Variants in ABLIM3 observed in about 807,000 individuals in gnomAD.
The protein encoded by ABLIM3 is actin-binding LIM protein 3.
In ABLIM3, 61 loss-of-function variants were observed where a neutral mutation model predicts 109.5. The ratio of observed to expected loss-of-function variants is 0.56; its 90% CI spans 0.45 to 0.69. The LOEUF (loss-of-function observed/expected upper bound fraction) is 0.69, where lower values mean the gene tolerates loss of function less well. Ranked by LOEUF, ABLIM3 falls within the 30% of genes least tolerant of loss-of-function variation. ABLIM3 has a pLI of 0.00. For synonymous variants in ABLIM3, 300 were observed against 324.8 expected, an observed-to-expected ratio of 0.92 and a Z score of 0.82; for missense variants, 796 against 889.5, an observed-to-expected ratio of 0.89 and a Z score of 1.34.
intron 8 of ABLIM3, among the ~76,000 whole-genome samples, chr5:149,225,982 G>GTGTATATATATATATATA: frequency 2.2e-5 from 1 of 45,522 alleles, no homozygotes; most frequent in East Asian, 9.0e-4. Context: ...GTGTGTGTGT[G>GTGTATATATATATATATA]TATATATATA....
chr5:149,197,843 T>C (rs530954809), intron 3 of ABLIM3, among the ~76,000 whole-genome samples: 1 of 152,352 alleles, frequency 6.6e-6, no homozygotes, highest in South Asian at 2.1e-4. Context: ...TGCTTCTTAG[T>C]GTGCATCAGA....
At chr5:149,194,297 A>T (rs1386284706) in intron 3 of ABLIM3, among the ~76,000 whole-genome samples, 4 of 152,262 alleles carry the variant, frequency 2.6e-5, no homozygotes, top group Non-Finnish European at 5.9e-5. Flanking sequence ...TTGATTAACC[A>T]TTAGGGAAAT....
intron 23 of ABLIM3, among the ~76,000 whole-genome samples, chr5:149,255,475 A>G (rs1386972917): frequency 6.6e-6 from 1 of 152,232 alleles, no homozygotes; most frequent in Non-Finnish European, 1.5e-5. Context: ...TTAGAAGGTA[A>G]TAAGTGCTAA....
At chr5:149,244,700 G>A in intron 15 of ABLIM3, 181 bp from the exon 16 acceptor site, 1 of 699,058 alleles carries the variant, frequency 1.4e-6, no homozygotes, top group East Asian at 2.6e-5. Flanking sequence ...AATGCAAAAT[G>A]AGGGTTTGGC....
intron 3 of ABLIM3, among the ~76,000 whole-genome samples, chr5:149,187,784 A>G (rs1183449416): frequency 6.6e-6 from 1 of 152,074 alleles, no homozygotes; most frequent in Non-Finnish European, 1.5e-5. Flanking sequence ...ATTACCTGCT[A>G]CCTGCTCTGC....
intron 6 of ABLIM3, among the ~76,000 whole-genome samples, chr5:149,208,932 AAAG>A (rs1561589008): frequency 6.6e-6 from 1 of 152,234 alleles, no homozygotes; most frequent in African/African-American, 2.4e-5. Context: ...TCAAAAATGC[AAAG>A]AAGAAGAGCT....
chr5:149,189,532 C>T (rs77201813), intron 3 of ABLIM3, among the ~76,000 whole-genome samples: 2,959 of 152,170 alleles, frequency 0.019, 290 homozygotes, highest in Admixed American at 0.16. Flanking sequence ...AACCTAATTT[C>T]AAAATGGGCA....
At chr5:149,210,074 A>G (rs1009743585) in intron 6 of ABLIM3, among the ~76,000 whole-genome samples, 1 of 152,230 alleles carries the variant, frequency 6.6e-6, no homozygotes, top group Non-Finnish European at 1.5e-5. Context: ...TCTCTACCTC[A>G]GTCCTAGAGA....
At chr5:149,222,599 G>T (rs1259139373) in intron 8 of ABLIM3, among the ~76,000 whole-genome samples, 2 of 147,924 alleles carry the variant, frequency 1.4e-5, no homozygotes, top group African/African-American at 2.5e-5. Flanking sequence ...TCAAAAGCTT[G>T]TTTTGATAAT....
rs551609780 is a variant in ABLIM3, at chr5:149,254,643, G to A, written c.1938+1806G>A. ...TGAGTTCTTCCAGCTCTAGCATGCT[G>A]GGTTAGCACCCCAGGAAGTGGGTGA... On this transcript the variant is annotated intron_variant, in intron 23 of 23. Transcript: ENST00000309868. 3.9e-5 allele frequency among the ~76,000 whole-genome samples: 6 copies of A among 152,254 alleles called. No individual in the cohort carries two copies. In the East Asian group the frequency reaches 1.2e-3, roughly 29 times the overall value.
In ABLIM3 at chr5:149,200,353, G is replaced by A. The variant is rs373339694; in HGVS notation, c.373G>A (p.Gly125Ser). Residue 125 changes from glycine to serine, a missense_variant, in exon 5 of 24, where the codon GGT (glycine) becomes AGT (serine). Physicochemically the swap from Gly to Ser is moderately conservative, Grantham distance 56 (BLOSUM62 0). Coordinates refer to ENST00000309868, the MANE Select transcript of ABLIM3 (RefSeq NM_014945.5). ...CATTGGAGACAAGGTGACCTTCAGC[G>A]GTAAAGAATGTGTGTGCCAAACGTG... ...FPIGDKVTFS[G>S]KECVCQTCSQ... 2.0e-5 allele frequency: 33 copies of A among 1,614,204 alleles called. No individual in the cohort carries two copies. Among genetic ancestry groups the A allele is most frequent in the Non-Finnish European group, 2.5e-5 (29 of 1,180,028 alleles).
chr5:149,170,660 A>G (rs1755329743), intron 2 of ABLIM3, among the ~76,000 whole-genome samples: 1 of 152,200 alleles, frequency 6.6e-6, no homozygotes, highest in Admixed American at 6.5e-5. Flanking sequence ...GCCAAACCAT[A>G]ATTGAGAACT....
At chr5:149,223,776 G>C (rs1742818396) in intron 8 of ABLIM3, among the ~76,000 whole-genome samples, 1 of 152,156 alleles carries the variant, frequency 6.6e-6, no homozygotes, top group Admixed American at 6.5e-5. Flanking sequence ...AGGCCAGGGT[G>C]GGGAGACAGA....
At chr5:149,247,056 C>T (rs1398185518) in intron 17 of ABLIM3, among the ~76,000 whole-genome samples, 1 of 152,220 alleles carries the variant, frequency 6.6e-6, no homozygotes, top group African/African-American at 2.4e-5. Context: ...ATCCAAATGT[C>T]CATCAGCTCA....
chr5:149,246,765 C>A (rs142830085), intron 17 of ABLIM3, among the ~76,000 whole-genome samples: 10 of 152,358 alleles, frequency 6.6e-5, no homozygotes, highest in African/African-American at 2.2e-4. Context: ...CTCTTCACTT[C>A]TGGGGCTTGC....
chr5:149,248,384 A>C (rs1029312323), intron 18 of ABLIM3, among the ~76,000 whole-genome samples: 6 of 152,176 alleles, frequency 3.9e-5, no homozygotes, highest in African/African-American at 1.4e-4. Context: ...ACTTCCAGTC[A>C]GATTCAGTAT....
rs1418887619 is a variant in ABLIM3, at chr5:149,258,520, G to A, written c.*116G>A. ...GGACACACTGCCTGCCATGAGACTT[G>A]CTTTTCTGTACTGTCAGGCAAGCCC... On this transcript the variant is annotated 3_prime_UTR_variant, in exon 24 of 24. Coordinates refer to ENST00000309868, the MANE Select transcript of ABLIM3 (RefSeq NM_014945.5). 5.7e-6 allele frequency: 8 copies of A among 1,414,296 alleles called. No homozygotes were observed. The African/African-American group carries it at 1.2e-4, about 21-fold the overall frequency. 87.6% of individuals were successfully genotyped at this position (1,414,296 alleles called of 1,614,324 possible).
rs576666897 is a variant in ABLIM3, at chr5:149,258,719, A to G, written c.*315A>G. On this transcript the variant is annotated 3_prime_UTR_variant, in exon 24 of 24. Transcript: ENST00000309868. ...TCTCTTTCCTAAAGAAGGTGCCTGA[A>G]GAAGTCTCTCTTCTCTCTGCTTCGT... is the stretch of plus-strand genomic sequence containing the variant. 9 of 1,032,982 alleles carry G rather than the reference A, an allele frequency of 8.7e-6. No homozygotes were observed. The South Asian group carries it at 2.5e-4, about 28-fold the overall frequency. The allele number at this position is 1,032,982 out of a possible 1,614,324, so 64.0% of individuals were successfully genotyped here.
intron 7 of ABLIM3, among the ~76,000 whole-genome samples, chr5:149,211,216 C>T (rs1759525420): frequency 6.6e-6 from 1 of 151,694 alleles, no homozygotes; most frequent in South Asian, 2.1e-4. Flanking sequence ...TGGTAATGTG[C>T]TGATTTAAGA....
Sources: gnomAD v4.1 joint callset for allele counts (sites outside exome capture counted in the v4.1 genomes callset) on GRCh38, gnomAD v4.1.1 for gene constraint, MANE v1.5 for transcripts, NCBI Gene and HGNC (gene_info 2026-07-23, HGNC 2026-07-21) for gene names.